Variants in NAA16 observed in about 807,000 individuals in gnomAD.
The protein encoded by NAA16 is NARG1-like protein.
In NAA16, 97 loss-of-function variants were observed where a neutral mutation model predicts 110.3. The observed-to-expected ratio is 0.88, with a 90% CI of 0.75 to 1.04. The LOEUF (loss-of-function observed/expected upper bound fraction) is 1.04. Among genes scored for constraint, NAA16 ranks in the 50% least tolerant of loss-of-function variants. The pLI is 0.00. For synonymous variants in NAA16, 372 were observed against 330.6 expected (o/e 1.13, Z -1.36); for missense variants, 1,017 against 1,005.1 (o/e 1.01, Z -0.16).
At chr13:41,315,256 A>G (rs1404373058) in intron 1 of NAA16, among the ~76,000 whole-genome samples, 5 of 152,166 alleles carry the variant, frequency 3.3e-5, no homozygotes, top group Non-Finnish European at 7.3e-5. Flanking sequence ...TTCAGGCAGA[A>G]GGAACACAAG....
rs761086684 is a variant in NAA16, at chr13:41,358,796, A to C, written c.1258-14A>C. 6.4e-7 allele frequency: 1 copy of C among 1,552,288 alleles called. No homozygotes were observed. The highest frequency in any genetic ancestry group is 1.4e-5 in the African/African-American group (1 of 72,698). Reference sequence around the variant, plus strand: ...TTGATTATAAATTGTGGTTCCTTTAATTATCTTTTATAGCATATAGGTAAT... The same window carrying C: ...TTGATTATAAATTGTGGTTCCTTTACTTATCTTTTATAGCATATAGGTAAT... On this transcript the variant is annotated splice_polypyrimidine_tract_variant and intron_variant, in intron 11 of 19. Coordinates refer to ENST00000379406, the MANE Select transcript of NAA16 (RefSeq NM_024561.5).
chr13:41,324,192 C>T (rs753552726), intron 5 of NAA16, among the ~76,000 whole-genome samples: 8 of 151,964 alleles, frequency 5.3e-5, no homozygotes, highest in East Asian at 3.9e-4. Context: ...TAGCTTTTTA[C>T]GTCACACCAG....
intron 12 of NAA16, among the ~76,000 whole-genome samples, chr13:41,359,686 A>G (rs2043071702): frequency 6.6e-6 from 1 of 152,198 alleles, no homozygotes; most frequent in African/African-American, 2.4e-5. Context: ...AATCAGTTCC[A>G]GGTGGATTAA....
intron 9 of NAA16, among the ~76,000 whole-genome samples, chr13:41,342,128 G>C (rs1416809472): frequency 6.9e-6 from 1 of 144,556 alleles, no homozygotes. Context: ...CACCGCACCG[G>C]GCCTCTCTCT....
At chr13:41,335,514 A>C (rs1021051575) in intron 8 of NAA16, among the ~76,000 whole-genome samples, 3 of 152,274 alleles carry the variant, frequency 2.0e-5, no homozygotes, top group East Asian at 3.9e-4. Context: ...CTCTGAAACT[A>C]TTTTTGATTT....
At chr13:41,359,514 T>C (rs983706955) in intron 12 of NAA16, among the ~76,000 whole-genome samples, 1 of 152,158 alleles carries the variant, frequency 6.6e-6, no homozygotes, top group Non-Finnish European at 1.5e-5. Flanking sequence ...AGTAGACTAA[T>C]GGAACAGGGT....
chr13:41,340,816 G>A (rs2139442309), intron 9 of NAA16, among the ~76,000 whole-genome samples: 1 of 151,944 alleles, frequency 6.6e-6, no homozygotes, highest in Non-Finnish European at 1.5e-5. Context: ...AGCCGGGACT[G>A]CAGGCGCCTG....
intron 13 of NAA16, chr13:41,362,439 C>T (rs954412425): frequency 1.7e-5 from 6 of 344,618 alleles, no homozygotes; most frequent in Admixed American, 4.6e-5. Context: ...TTTATGTTCC[C>T]TAATTAGGCC....
chr13:41,346,692 C>A lies in NAA16; in HGVS notation c.1015-8452C>A, dbSNP rs916938420. ...AGTAGTGCCTCTTGGGGTATAAGGG[C>A]CAGATAGAGGAGATATGGCTCTGGA... On this transcript the variant is annotated intron_variant, in intron 9 of 19. Transcript: ENST00000379406. Among the ~76,000 whole-genome samples the A allele has an allele frequency of 4.0e-5, 6 of 151,762 alleles. No individual in the cohort carries two copies. In the South Asian group the frequency reaches 1.3e-3, roughly 32 times the overall value.
chr13:41,312,080 T>C (rs1036619665), intron 1 of NAA16, among the ~76,000 whole-genome samples: 3 of 152,224 alleles, frequency 2.0e-5, no homozygotes, highest in African/African-American at 7.2e-5. Context: ...TTTTTCCTGG[T>C]TACGAGGAAA....
chr13:41,368,198 CAGTG>C (rs2043245116), intron 14 of NAA16, among the ~76,000 whole-genome samples: 1 of 151,938 alleles, frequency 6.6e-6, no homozygotes, highest in South Asian at 2.1e-4. Flanking sequence ...ATAAGAATAT[CAGTG>C]AGAATATCTG....
intron 1 of NAA16, among the ~76,000 whole-genome samples, chr13:41,316,052 T>G (rs1328241346): frequency 1.3e-5 from 2 of 152,172 alleles, no homozygotes; most frequent in South Asian, 4.1e-4. Context: ...TTATTTTGAA[T>G]TAAAAAATTC....
At chr13:41,372,970 C>G (rs1008417502) in intron 17 of NAA16, 140 bp downstream of exon 17, 1 of 1,127,946 alleles carries the variant, frequency 8.9e-7, no homozygotes, top group African/African-American at 1.6e-5. Context: ...TTTCATGATA[C>G]AAATCCTCTG....
chr13:41,369,528 C>CT (rs1321377100), intron 15 of NAA16, among the ~76,000 whole-genome samples: 2 of 152,260 alleles, frequency 1.3e-5, no homozygotes, highest in East Asian at 3.9e-4. Context: ...TCTGGTCCCC[C>CT]CAGCCTGTGA....
At position 41,370,867 on chromosome 13, in the gene NAA16, A is replaced by G. The variant is rs369447287; in HGVS notation, c.1948-1336A>G. Among the ~76,000 whole-genome samples, 74 of 152,338 alleles carry G rather than the reference A, an allele frequency of 4.9e-4. 1 individual carries two copies. The South Asian group carries it at 0.013, about 27-fold the overall frequency. ...TTTCAACGCTGTGGAAGAGAACCCC[A>G]GTAGAACATTATGAAAGTCTGGAAG... On this transcript the variant is annotated intron_variant, in intron 15 of 19. Coordinates refer to ENST00000379406, the MANE Select transcript of NAA16 (RefSeq NM_024561.5).
At chr13:41,321,959 A>G (rs181176844) in intron 4 of NAA16, among the ~76,000 whole-genome samples, 15 of 152,256 alleles carry the variant, frequency 9.9e-5, no homozygotes, top group Admixed American at 7.2e-4. Flanking sequence ...CAAAGCGTGT[A>G]TTTTTTTCTT....
intron 3 of NAA16, among the ~76,000 whole-genome samples, chr13:41,320,231 G>A (rs1003689698): frequency 2.0e-5 from 3 of 152,154 alleles, no homozygotes; most frequent in Non-Finnish European, 4.4e-5. Flanking sequence ...GACTAAATTT[G>A]TTTCAAAAAG....
intron 2 of NAA16, among the ~76,000 whole-genome samples, chr13:41,318,538 A>C (rs1299718606): frequency 6.6e-6 from 1 of 152,190 alleles, no homozygotes; most frequent in African/African-American, 2.4e-5. Context: ...AATATCAACC[A>C]CTTTTACAGA....
At chr13:41,314,177 C>T (rs1189673366) in intron 1 of NAA16, among the ~76,000 whole-genome samples, 3 of 152,010 alleles carry the variant, frequency 2.0e-5, no homozygotes, top group African/African-American at 7.3e-5. Flanking sequence ...AGTAAATAAG[C>T]TGTCATGGGA....
Sources: allele counts gnomAD v4.1 joint callset (sites outside exome capture counted in the v4.1 genomes callset), GRCh38; gene constraint gnomAD v4.1.1; transcripts MANE v1.5; gene names NCBI Gene and HGNC (gene_info 2026-07-23, HGNC 2026-07-21).